The following PLCB4 variants were observed in gnomAD, a reference collection of about 807,000 sequenced individuals.
The protein encoded by PLCB4 is phospholipase C beta 4.
In PLCB4, 77 loss-of-function variants were observed where a neutral mutation model predicts 178.8. The ratio of observed to expected loss-of-function variants is 0.43; its 90% confidence interval spans 0.36 to 0.52. The LOEUF (loss-of-function observed/expected upper bound fraction) is 0.52, where lower values mean the gene tolerates loss of function less well. Among genes scored for constraint, PLCB4 ranks in the 20% least tolerant of loss-of-function variants. The probability of loss-of-function intolerance (pLI) is 0.00; values close to 1 mark genes in which losing one functional copy is unlikely to be tolerated. For synonymous variants in PLCB4, 496 were observed against 490.8 expected (o/e 1.01, Z -0.14); for missense variants, 1,024 against 1,453.4 (o/e 0.70, Z 4.80).
intron 38 of PLCB4, among the ~76,000 whole-genome samples, chr20:9,476,453 G>T (rs2044548304): frequency 1.3e-5 from 2 of 152,086 alleles, no homozygotes; most frequent in African/African-American, 2.4e-5. Flanking sequence ...TTGCTTAAAG[G>T]CCAGGTTCTC....
chr20:9,384,960 C>A (rs1038421067), intron 14 of PLCB4, among the ~76,000 whole-genome samples: 5 of 152,108 alleles, frequency 3.3e-5, no homozygotes, highest in Admixed American at 6.5e-5. Context: ...CTGCCGCCTT[C>A]GGCAGTGTTT....
intron 4 of PLCB4, among the ~76,000 whole-genome samples, chr20:9,329,359 A>G (rs767618146): frequency 6.6e-6 from 1 of 152,180 alleles, no homozygotes; most frequent in Non-Finnish European, 1.5e-5. Flanking sequence ...ATTTCTTTCT[A>G]GCTCCTATAT....
intron 9 of PLCB4, among the ~76,000 whole-genome samples, chr20:9,370,193 CT>C (rs1232313579): frequency 6.6e-6 from 1 of 152,166 alleles, no homozygotes. Flanking sequence ...TTCTACTAGC[CT>C]TGATGCTCAC....
At chr20:9,341,827 C>A (rs1423528660) in intron 7 of PLCB4, among the ~76,000 whole-genome samples, 1 of 152,060 alleles carries the variant, frequency 6.6e-6, no homozygotes, top group Non-Finnish European at 1.5e-5. Context: ...AATTTAAGAG[C>A]AGCTAGCCAG....
chr20:9,421,599 T>C (rs1047448948), intron 27 of PLCB4, 138 bp downstream of exon 27: 15 of 679,540 alleles, frequency 2.2e-5, no homozygotes, highest in African/African-American at 3.7e-5. Context: ...CTAACTTCTG[T>C]AGCTGTCATA....
intron 1 of PLCB4, among the ~76,000 whole-genome samples, chr20:9,074,686 A>G (rs2089747024): frequency 6.6e-6 from 1 of 152,094 alleles, no homozygotes; most frequent in Non-Finnish European, 1.5e-5. Flanking sequence ...GAGGGACCTA[A>G]TATTAACTCA....
At chr20:9,209,963 CAA>C (rs58424232) in intron 2 of PLCB4, among the ~76,000 whole-genome samples, 28 of 47,944 alleles carry the variant, frequency 5.8e-4, no homozygotes, top group African/African-American at 1.5e-3. Flanking sequence ...GACTCTGTCT[CAA>C]AAAAAAAAAA....
chr20:9,204,907 A>G (rs1332308553), intron 2 of PLCB4, among the ~76,000 whole-genome samples: 3 of 152,134 alleles, frequency 2.0e-5, no homozygotes, highest in Non-Finnish European at 4.4e-5. Context: ...AGAATGAAAA[A>G]AAAAACCCGA....
At chr20:9,290,639 TCTAGAAATG>T (rs2094572362) in intron 3 of PLCB4, among the ~76,000 whole-genome samples, 1 of 152,170 alleles carries the variant, frequency 6.6e-6, no homozygotes, top group African/African-American at 2.4e-5. Flanking sequence ...GAAGAGTTGT[TCTAGAAATG>T]CCACTATGTC....
intron 2 of PLCB4, among the ~76,000 whole-genome samples, chr20:9,216,573 C>T (rs999173527): frequency 1.3e-5 from 2 of 152,020 alleles, no homozygotes; most frequent in African/African-American, 2.4e-5. Context: ...GATCTTTGCT[C>T]ACTGCAACCT....
intron 3 of PLCB4, chr20:9,280,407 A>C: frequency 1.0e-6 from 1 of 972,894 alleles, no homozygotes; most frequent in African/African-American, 1.8e-5. Context: ...TCAAAGGACA[A>C]AGATATTGTG....
At chr20:9,258,235 TAAC>T (rs1172064299) in intron 3 of PLCB4, among the ~76,000 whole-genome samples, 1 of 152,226 alleles carries the variant, frequency 6.6e-6, no homozygotes, top group Non-Finnish European at 1.5e-5. Context: ...GAAAATTAAA[TAAC>T]ATTATTCACA....
intron 3 of PLCB4, among the ~76,000 whole-genome samples, chr20:9,282,267 G>A (rs528740617): frequency 6.6e-6 from 1 of 151,978 alleles, no homozygotes; most frequent in East Asian, 1.9e-4. Flanking sequence ...CTAGGTATAG[G>A]CTTTAGAAAA....
intron 4 of PLCB4, among the ~76,000 whole-genome samples, chr20:9,329,242 C>T (rs973503902): frequency 5.3e-5 from 8 of 152,128 alleles, no homozygotes; most frequent in Middle Eastern, 3.2e-3. Context: ...GTCTGTAGCT[C>T]GGTTTTTCAG....
chr20:9,417,359 G>A (rs757405043), intron 25 of PLCB4, among the ~76,000 whole-genome samples: 33 of 152,028 alleles, frequency 2.2e-4, no homozygotes, highest in Admixed American at 9.2e-4. Flanking sequence ...AATCTGTATC[G>A]TTTAGCTTTC....
chr20:9,148,467 T>C (rs2092637236), intron 2 of PLCB4, among the ~76,000 whole-genome samples: 1 of 152,144 alleles, frequency 6.6e-6, no homozygotes, highest in African/African-American at 2.4e-5. Context: ...ATTACTGAAA[T>C]ACTGTGGCTG....
chr20:9,459,688 C>T lies in PLCB4; in HGVS notation c.3126C>T (p.Thr1042=), dbSNP rs142390367. ...AGGAATGGTCAGAAATGATCAATACCCACAGTGCTGAGGAGCAAGAAATCC... is the reference window on the plus strand; with the variant it reads ...AGGAATGGTCAGAAATGATCAATACTCACAGTGCTGAGGAGCAAGAAATCC... ...HTKEWSEMIN[T]HSAEEQEIRD... The change falls in exon 35 of 40, where the codon ACC becomes ACT. Residue 1042 remains threonine, a synonymous_variant. Transcript: ENST00000378473. 1.2e-6 allele frequency: 2 copies of T among 1,612,952 alleles called. No homozygotes were observed. The highest frequency in any genetic ancestry group is 8.5e-7 in the Non-Finnish European group (1 of 1,179,100).
chr20:9,319,524 A>C (rs543229163), intron 4 of PLCB4, among the ~76,000 whole-genome samples: 6 of 152,298 alleles, frequency 3.9e-5, no homozygotes, highest in South Asian at 2.1e-4. Context: ...TATAAGCTAG[A>C]GGCCTAGGAA....
At chr20:9,272,623 C>T (rs2094414915) in intron 3 of PLCB4, among the ~76,000 whole-genome samples, 1 of 152,086 alleles carries the variant, frequency 6.6e-6, no homozygotes, top group Non-Finnish European at 1.5e-5. Context: ...CATATATTTA[C>T]TCAGTTCTTT....
Sources: allele counts gnomAD v4.1 joint callset (sites outside exome capture counted in the v4.1 genomes callset), GRCh38; gene constraint gnomAD v4.1.1; transcripts MANE v1.5; gene names NCBI Gene and HGNC (gene_info 2026-07-23, HGNC 2026-07-21).